Variants in GRB10 observed in about 807,000 individuals in gnomAD.
The protein encoded by GRB10 is growth factor receptor-bound protein 10.
In GRB10, 20 loss-of-function variants were observed where a neutral mutation model predicts 80.9. The ratio of observed to expected loss-of-function variants is 0.25; its 90% CI spans 0.17 to 0.36. The LOEUF is 0.36. Among genes scored for constraint, GRB10 ranks in the 10% least tolerant of loss-of-function variants. GRB10 has a pLI of 1.00. For synonymous variants in GRB10, 291 were observed against 291.5 expected (o/e 1.00, Z 0.02); for missense variants, 548 against 747.7 (o/e 0.73, Z 3.12).
intron 4 of GRB10, among the ~76,000 whole-genome samples, chr7:50,707,410 G>A (rs919015246): frequency 4.6e-5 from 7 of 152,156 alleles, no homozygotes; most frequent in Non-Finnish European, 8.8e-5. Context: ...CCTCCTCACC[G>A]GTTCCACAGA....
At chr7:50,666,425 AATTTT>A (rs1328835783) in intron 7 of GRB10, among the ~76,000 whole-genome samples, 1 of 152,072 alleles carries the variant, frequency 6.6e-6, no homozygotes, top group Non-Finnish European at 1.5e-5. Flanking sequence ...TCCCATGCAG[AATTTT>A]CCCTCCCCTC....
chr7:50,676,733 A>C (rs1375105078), intron 5 of GRB10, among the ~76,000 whole-genome samples: 1 of 152,184 alleles, frequency 6.6e-6, no homozygotes, highest in African/African-American at 2.4e-5. Context: ...TGAGGGAGGG[A>C]AGTCCTGGGC....
intron 8 of GRB10, among the ~76,000 whole-genome samples, chr7:50,624,242 A>G (rs1330009658): frequency 1.3e-5 from 2 of 152,194 alleles, no homozygotes; most frequent in Non-Finnish European, 2.9e-5. Flanking sequence ...TGCTCTCTAC[A>G]AGGAGACAGC....
At position 50,644,341 on chromosome 7, in the gene GRB10, G is replaced by A. The variant is rs1045467330; in HGVS notation, c.505-17363C>T. On this transcript the variant is annotated intron_variant, in intron 7 of 18. Coordinates refer to ENST00000401949, the MANE Select transcript of GRB10 (RefSeq NM_001350814.2). ...ACAGGGTCCCCTAGTCCATGCCCGA[G>A]CTCTTTATTTGGTGGCTATGTGATG... Among the ~76,000 whole-genome samples the A allele has an allele frequency of 3.9e-5, 6 of 152,230 alleles. No individual in the cohort carries two copies. The Middle Eastern group carries it at 0.01, about 259-fold the overall frequency.
chr7:50,774,818 A>G (rs1169924777), intron 2 of GRB10, among the ~76,000 whole-genome samples: 1 of 152,092 alleles, frequency 6.6e-6, no homozygotes, highest in African/African-American at 2.4e-5. Flanking sequence ...TAAATCAGAC[A>G]TGTGAGACTC....
At chr7:50,665,111 G>T (rs2059668038) in intron 7 of GRB10, among the ~76,000 whole-genome samples, 1 of 152,228 alleles carries the variant, frequency 6.6e-6, no homozygotes, top group African/African-American at 2.4e-5. Context: ...CTGCTGACAA[G>T]GAGGACTGCT....
chr7:50,623,320 A>C (rs1198728077), intron 8 of GRB10, among the ~76,000 whole-genome samples: 2 of 152,226 alleles, frequency 1.3e-5, no homozygotes, highest in African/African-American at 4.8e-5. Context: ...ATCATAAAAC[A>C]GACCATCATT....
intron 8 of GRB10, among the ~76,000 whole-genome samples, chr7:50,619,769 T>C (rs966629386): frequency 1.3e-5 from 2 of 152,160 alleles, no homozygotes; most frequent in Non-Finnish European, 2.9e-5. Flanking sequence ...CTGTGTACTG[T>C]GGGAGAGGCC....
intron 13 of GRB10, among the ~76,000 whole-genome samples, chr7:50,609,275 C>A (rs1306473197): frequency 6.6e-6 from 1 of 151,860 alleles, no homozygotes. Context: ...AACATAAGGA[C>A]CCAGAAAAGT....
rs894274838 is a variant in GRB10 at position 50,635,316 on chromosome 7, A to G, written c.505-8338T>C. On this transcript the variant is annotated intron_variant, in intron 7 of 18. Coordinates refer to ENST00000401949, the MANE Select transcript of GRB10 (RefSeq NM_001350814.2). ...AACAATGAACTTAAGGCAGAAAAAG[A>G]AATTTTTTTAATGAAAATAGAGACA... Among the ~76,000 whole-genome samples, 4 of 152,200 alleles carry G rather than the reference A, an allele frequency of 2.6e-5. No individual in the cohort carries two copies. In the East Asian group the frequency reaches 5.8e-4, roughly 22 times the overall value.
intron 7 of GRB10, among the ~76,000 whole-genome samples, chr7:50,633,020 C>T (rs926292910): frequency 5.3e-5 from 8 of 152,286 alleles, no homozygotes; most frequent in Middle Eastern, 6.8e-3. Context: ...CAGGGAAACC[C>T]TGGTATTTCC....
intron 2 of GRB10, chr7:50,779,307 A>C (rs1562702004): frequency 6.6e-6 from 1 of 152,174 alleles, no homozygotes; most frequent in Non-Finnish European, 1.5e-5. Flanking sequence ...AAGACCAACT[A>C]AATTAGAAGC....
intron 7 of GRB10, among the ~76,000 whole-genome samples, chr7:50,665,556 C>G (rs1382313790): frequency 6.6e-6 from 1 of 152,222 alleles, no homozygotes; most frequent in Non-Finnish European, 1.5e-5. Context: ...GAACCCATAA[C>G]ACGTTGGACA....
At chr7:50,687,789 TG>T (rs1002045881) in intron 5 of GRB10, among the ~76,000 whole-genome samples, 22 of 151,742 alleles carry the variant, frequency 1.4e-4, no homozygotes, top group Admixed American at 5.3e-4. Context: ...TGGTGCTTGG[TG>T]GGATGCTGGG....
intron 17 of GRB10, among the ~76,000 whole-genome samples, chr7:50,602,737 C>A (rs1222298671): frequency 6.6e-6 from 1 of 152,152 alleles, no homozygotes; most frequent in Non-Finnish European, 1.5e-5. Flanking sequence ...GAAATCTGAA[C>A]ATGGATTAGC....
chr7:50,783,992 C>T (rs367696315), upstream of GRB10, among the ~76,000 whole-genome samples: 3 of 152,176 alleles, frequency 2.0e-5, no homozygotes, highest in African/African-American at 7.2e-5. Context: ...ATGTTTAAGT[C>T]GATCAAACAA....
chr7:50,752,220 G>A (rs1307994483), intron 3 of GRB10, among the ~76,000 whole-genome samples: 1 of 152,038 alleles, frequency 6.6e-6, no homozygotes, highest in East Asian at 1.9e-4. Context: ...GTTATTAGGG[G>A]GGAAAAAATG....
At chr7:50,727,086 G>A (rs1186317552) in intron 4 of GRB10, 4 of 152,176 alleles carry the variant, frequency 2.6e-5, no homozygotes, top group African/African-American at 9.7e-5. Context: ...TATAAAATGG[G>A]TATCATGAAG....
rs116173696 is a variant in GRB10 at position 50,653,101 on chromosome 7, C to T, written c.504+16621G>A. Among the ~76,000 whole-genome samples the T allele has an allele frequency of 8.7e-3, 1,319 of 152,348 alleles. 23 individuals carry two copies. Among genetic ancestry groups the T allele is most frequent in the African/African-American group, 0.03 (1,237 of 41,590 alleles). ...ACCAGGGCCCACTTCACACTCCCCCCTGCTGGCCTCTGTGCCCTTCTTCAG... is the reference window on the plus strand; with the variant it reads ...ACCAGGGCCCACTTCACACTCCCCCTTGCTGGCCTCTGTGCCCTTCTTCAG... On this transcript the variant is annotated intron_variant, in intron 7 of 18. Coordinates refer to ENST00000401949, the MANE Select transcript of GRB10 (RefSeq NM_001350814.2).
Sources: allele counts gnomAD v4.1 joint callset (sites outside exome capture counted in the v4.1 genomes callset), GRCh38; gene constraint gnomAD v4.1.1; transcripts MANE v1.5; gene names NCBI Gene and HGNC (gene_info 2026-07-23, HGNC 2026-07-21).